The following RPS6KC1 variants were observed in gnomAD, a reference collection of about 807,000 sequenced individuals.
The protein encoded by RPS6KC1 is inactive ribosomal protein S6 kinase delta-1.
Under a neutral mutation model 103.8 loss-of-function variants are expected in RPS6KC1, and 54 were observed. The ratio of observed to expected loss-of-function variants is 0.52; its 90% CI spans 0.42 to 0.65. The LOEUF is 0.65. Ranked by LOEUF, RPS6KC1 falls within the 30% of genes least tolerant of loss-of-function variation. The probability of loss-of-function intolerance (pLI) is 0.00; values close to 1 mark genes in which losing one functional copy is unlikely to be tolerated. For synonymous variants in RPS6KC1, 439 were observed against 438.7 expected, an observed-to-expected ratio of 1.00 and a Z score of -0.01; for missense variants, 1,151 against 1,253.8, an observed-to-expected ratio of 0.92 and a Z score of 1.24.
intron 8 of RPS6KC1, among the ~76,000 whole-genome samples, chr1:213,221,878 A>T (rs2093841278): frequency 6.6e-6 from 1 of 152,204 alleles, no homozygotes; most frequent in Non-Finnish European, 1.5e-5. Context: ...AATAACTAAG[A>T]AGAGATGTGG....
At chr1:213,664,194 G>GGGGGGC in the RPS6KC1 span, among the ~76,000 whole-genome samples, 2 of 144,358 alleles carry the variant, frequency 1.4e-5, no homozygotes, top group Admixed American at 6.9e-5. Flanking sequence ...GAAATGAGCG[G>GGGGGGC]GGGGGCGGGG....
the RPS6KC1 span, among the ~76,000 whole-genome samples, chr1:213,557,257 T>C: frequency 6.6e-6 from 1 of 152,312 alleles, no homozygotes; most frequent in Non-Finnish European, 1.5e-5. Context: ...TAGTGTATGC[T>C]CTGAGTTCAT....
chr1:213,585,787 G>GAGACACATGGCACGGCT, the RPS6KC1 span, among the ~76,000 whole-genome samples: 12 of 152,170 alleles, frequency 7.9e-5, no homozygotes, highest in African/African-American at 2.9e-4. Flanking sequence ...TCTCTCTACC[G>GAGACACATGGCACGGCT]AGACACATGG....
chr1:213,255,398 T>G (rs1473613910), intron 12 of RPS6KC1, among the ~76,000 whole-genome samples: 1 of 151,938 alleles, frequency 6.6e-6, no homozygotes, highest in Non-Finnish European at 1.5e-5. Context: ...GAGGTAGGAG[T>G]TAAAGGGGAT....
the RPS6KC1 span, among the ~76,000 whole-genome samples, chr1:213,444,995 CCAT>C: frequency 6.6e-6 from 1 of 152,180 alleles, no homozygotes; most frequent in South Asian, 2.1e-4. Context: ...TGCCACTTAG[CCAT>C]CATCCCCAAT....
chr1:213,525,625 C>T, the RPS6KC1 span, among the ~76,000 whole-genome samples: 2 of 151,966 alleles, frequency 1.3e-5, no homozygotes, highest in African/African-American at 4.8e-5. Context: ...AGAAATCCAC[C>T]AAGAAAACAA....
intron 1 of RPS6KC1, among the ~76,000 whole-genome samples, chr1:213,067,978 C>G (rs543057575): frequency 2.0e-5 from 3 of 152,182 alleles, no homozygotes; most frequent in African/African-American, 7.2e-5. Flanking sequence ...TCAAAAAGAT[C>G]ATTTGCTTAT....
intron 2 of RPS6KC1, 53 bp from the exon 3 acceptor site, chr1:213,077,643 G>C (rs1558269894): frequency 1.7e-6 from 2 of 1,153,808 alleles, no homozygotes; most frequent in Non-Finnish European, 2.4e-6. Flanking sequence ...TTGTTGTTCA[G>C]ATATCTGAAC....
At chr1:213,588,354 C>T in the RPS6KC1 span, among the ~76,000 whole-genome samples, 5,266 of 149,074 alleles carry the variant, frequency 0.035, 202 homozygotes, top group African/African-American at 0.092. Context: ...AGTGCAGTGG[C>T]GCAATCTCAG....
chr1:213,126,982 C>A (rs1558373536), intron 5 of RPS6KC1, among the ~76,000 whole-genome samples: 1 of 152,020 alleles, frequency 6.6e-6, no homozygotes, highest in African/African-American at 2.4e-5. Flanking sequence ...CTGAGGATAT[C>A]ATTTTCTTTT....
the RPS6KC1 span, among the ~76,000 whole-genome samples, chr1:213,366,059 G>A: frequency 6.6e-6 from 1 of 152,182 alleles, no homozygotes; most frequent in East Asian, 1.9e-4. Flanking sequence ...AAGGCTGGAT[G>A]AGCCACCAGG....
At chr1:213,758,542 C>T in the RPS6KC1 span, among the ~76,000 whole-genome samples, 1 of 151,128 alleles carries the variant, frequency 6.6e-6, no homozygotes, top group African/African-American at 2.4e-5. Flanking sequence ...CACACCACTA[C>T]ACCCCAGCCT....
chr1:213,051,487 C>T lies in RPS6KC1; in HGVS notation c.83C>T (p.Thr28Ile). ...TEPQRHPRGY[T>I]VYKVTARVVS... ...CCCCAGCGACACCCGAGGGGCTACA[C>T]AGTATATAAGGTCACCGCCCGGGTG... The change falls in exon 1 of 15, where the codon ACA (threonine) becomes ATA (isoleucine). Residue 28 changes from threonine (T) to isoleucine (I), a missense_variant. Physicochemically the swap from Thr to Ile is moderately conservative, Grantham distance 89. Around this residue, in one of 3 missense-constraint regions of RPS6KC1, gnomAD observed 959 missense variants for 1,006.3 expected, o/e 0.95. Transcript: ENST00000366960. 1 of 1,613,044 alleles carries T rather than the reference C, an allele frequency of 6.2e-7. No homozygotes were observed. Among genetic ancestry groups the T allele is most frequent in the Non-Finnish European group, 8.5e-7 (1 of 1,179,438 alleles).
chr1:213,316,734 T>C, the RPS6KC1 span, among the ~76,000 whole-genome samples: 1 of 142,810 alleles, frequency 7.0e-6, no homozygotes. Flanking sequence ...TGTGTGTGTG[T>C]TGGAGGGGAG....
intron 6 of RPS6KC1, among the ~76,000 whole-genome samples, chr1:213,146,688 G>A (rs1457587197): frequency 5.3e-5 from 8 of 151,754 alleles, no homozygotes; most frequent in African/African-American, 1.9e-4. Flanking sequence ...GCCTCCCAAA[G>A]TGCTGGGATT....
At chr1:213,545,381 A>AATAC in the RPS6KC1 span, among the ~76,000 whole-genome samples, 1 of 97,944 alleles carries the variant, frequency 1.0e-5, no homozygotes, top group African/African-American at 3.9e-5. Flanking sequence ...CAAATAAATA[A>AATAC]ATAAATAAAT....
chr1:213,216,331 T>C (rs1466683536), intron 8 of RPS6KC1, among the ~76,000 whole-genome samples: 1 of 152,186 alleles, frequency 6.6e-6, no homozygotes, highest in African/African-American at 2.4e-5. Flanking sequence ...CTATCTTAAA[T>C]ATATATGCAC....
the RPS6KC1 span, among the ~76,000 whole-genome samples, chr1:213,681,075 C>A: frequency 6.6e-6 from 1 of 151,926 alleles, no homozygotes; most frequent in Non-Finnish European, 1.5e-5. Flanking sequence ...CGCTGTAACA[C>A]CCTGAGCTGC....
chr1:213,723,464 T>C, the RPS6KC1 span, among the ~76,000 whole-genome samples: 1 of 152,168 alleles, frequency 6.6e-6, no homozygotes, highest in African/African-American at 2.4e-5. Context: ...TTGCTCTATC[T>C]TCCAACGGTC....
Sources: gnomAD v4.1 joint callset for allele counts (sites outside exome capture counted in the v4.1 genomes callset) on GRCh38, gnomAD v4.1.1 for gene constraint, gnomAD v4.1.1 regional missense constraint, MANE v1.5 for transcripts, NCBI Gene and HGNC (gene_info 2026-07-23, HGNC 2026-07-21) for gene names.